The following CLYBL variants were observed in gnomAD, a reference collection of about 807,000 sequenced individuals.
CLYBL encodes the protein citramalyl-CoA lyase, mitochondrial.
In CLYBL, 31 loss-of-function variants were observed where a neutral mutation model predicts 38.9. The ratio of observed to expected loss-of-function variants is 0.80; its 90% CI spans 0.60 to 1.08. The LOEUF (loss-of-function observed/expected upper bound fraction) is 1.08. Among genes scored for constraint, CLYBL ranks in the 50% least tolerant of loss-of-function variants. The pLI is 0.00. For missense variants in CLYBL, 434 were observed against 411.6 expected (o/e 1.05, Z -0.47); for synonymous variants, 171 against 158.6 (o/e 1.08, Z -0.59).
chr13:99,885,932 C>T (rs7996829), intron 7 of CLYBL, among the ~76,000 whole-genome samples: 2,108 of 152,266 alleles, frequency 0.014, 37 homozygotes, highest in African/African-American at 0.048. Flanking sequence ...AAGTGGAAGG[C>T]ACAGCCAGGA....
intron 2 of CLYBL, among the ~76,000 whole-genome samples, chr13:99,856,104 T>C (rs942801393): frequency 6.6e-6 from 1 of 152,228 alleles, no homozygotes; most frequent in African/African-American, 2.4e-5. Flanking sequence ...AGGTACTTCA[T>C]TTGCAGCCAA....
At chr13:99,654,936 C>G (rs893276802) in intron 1 of CLYBL, among the ~76,000 whole-genome samples, 1 of 151,942 alleles carries the variant, frequency 6.6e-6, no homozygotes, top group African/African-American at 2.4e-5. Flanking sequence ...ACCCGGGAGG[C>G]AGAGGTTGCA....
chr13:99,660,694 C>G (rs2047396225), intron 1 of CLYBL, among the ~76,000 whole-genome samples: 1 of 152,190 alleles, frequency 6.6e-6, no homozygotes, highest in Non-Finnish European at 1.5e-5. Context: ...TTGCTCTGTT[C>G]TAAAAGCTAT....
At chr13:99,731,369 C>T (rs2048587329) in intron 1 of CLYBL, among the ~76,000 whole-genome samples, 3 of 150,942 alleles carry the variant, frequency 2.0e-5, no homozygotes, top group Non-Finnish European at 4.4e-5. Flanking sequence ...CCCAGGGGCT[C>T]ATACCTGTAA....
intron 6 of CLYBL, among the ~76,000 whole-genome samples, chr13:99,866,738 C>T (rs1245563644): frequency 6.6e-6 from 1 of 151,622 alleles, no homozygotes; most frequent in African/African-American, 2.4e-5. Context: ...GAGTGAACCG[C>T]CATAAGAATT....
At chr13:99,754,087 C>CAAAAAAAAA (rs71121003) in intron 1 of CLYBL, among the ~76,000 whole-genome samples, 2 of 45,412 alleles carry the variant, frequency 4.4e-5, no homozygotes, top group African/African-American at 1.6e-4. Flanking sequence ...AACTCGGTCT[C>CAAAAAAAAA]AAAAAAAAAA....
chr13:99,683,106 G>A (rs191851914), intron 1 of CLYBL, among the ~76,000 whole-genome samples: 248 of 151,262 alleles, frequency 1.6e-3, no homozygotes, highest in Non-Finnish European at 1.7e-3. Context: ...TTTTGAGATG[G>A]AGTCTTGCTC....
At chr13:99,852,363 C>T (rs2051352981) in intron 2 of CLYBL, among the ~76,000 whole-genome samples, 1 of 152,166 alleles carries the variant, frequency 6.6e-6, no homozygotes, top group African/African-American at 2.4e-5. Flanking sequence ...TGCAGCCTCC[C>T]AAGCAGCTGA....
chr13:99,651,344 C>G (rs1263421428), intron 1 of CLYBL, among the ~76,000 whole-genome samples: 1 of 151,706 alleles, frequency 6.6e-6, no homozygotes, highest in Non-Finnish European at 1.5e-5. Context: ...GAAGCCAAGG[C>G]GAGTGGCCTG....
intron 2 of CLYBL, among the ~76,000 whole-genome samples, chr13:99,790,601 G>T (rs1426374627): frequency 6.6e-6 from 1 of 152,186 alleles, no homozygotes; most frequent in Non-Finnish European, 1.5e-5. Context: ...CCCTTTATGG[G>T]TGACTCTGGC....
At chr13:99,897,945 AAAAG>A (rs113879061), downstream of CLYBL, among the ~76,000 whole-genome samples, 55 of 151,940 alleles carry the variant, frequency 3.6e-4, no homozygotes, top group African/African-American at 9.2e-4. Context: ...CGTCTCAAAA[AAAAG>A]AAAGAAAGAA....
chr13:99,808,973 G>C (rs571285489), intron 2 of CLYBL, among the ~76,000 whole-genome samples: 1 of 152,042 alleles, frequency 6.6e-6, no homozygotes, highest in Non-Finnish European at 1.5e-5. Context: ...CACGTCCTGA[G>C]CATCTAGCAC....
intron 1 of CLYBL, among the ~76,000 whole-genome samples, chr13:99,765,531 A>G (rs1026227130): frequency 2.0e-5 from 3 of 151,796 alleles, no homozygotes; most frequent in African/African-American, 4.8e-5. Context: ...TCAACTCCCT[A>G]TTGAACCTCA....
At chr13:99,662,510 C>CT (rs34634591) in intron 1 of CLYBL, among the ~76,000 whole-genome samples, 4,173 of 122,296 alleles carry the variant, frequency 0.034, 144 homozygotes, top group African/African-American at 0.091. Context: ...ATCTTTAAAA[C>CT]TTTTTTTTTT....
In CLYBL at chr13:99,854,135, CTTAA is replaced by C. The variant is rs1190260959; in HGVS notation, c.250-4722_250-4719del. ...GGAGTCTAGAAAGTCTTTCCTATTT[CTTAA>C]TTACCAAATCTTGGGTCGCACATAG... On this transcript the variant is annotated intron_variant, in intron 2 of 8. Coordinates refer to ENST00000339105, the MANE Select transcript of CLYBL (RefSeq NM_206808.5). 3.9e-5 allele frequency among the ~76,000 whole-genome samples: 6 copies of C among 152,228 alleles called. No individual in the cohort carries two copies. In the East Asian group the frequency reaches 1.2e-3, roughly 29 times the overall value.
chr13:99,634,935 C>T (rs7325085), intron 1 of CLYBL, among the ~76,000 whole-genome samples: 2,216 of 152,258 alleles, frequency 0.015, 59 homozygotes, highest in African/African-American at 0.05. Flanking sequence ...CATCCCCAGA[C>T]GTCCCTGCTC....
chr13:99,899,254 C>T (rs758671584), downstream of CLYBL, among the ~76,000 whole-genome samples: 3 of 152,222 alleles, frequency 2.0e-5, no homozygotes, highest in Non-Finnish European at 2.9e-5. Context: ...TTCCAGGGCC[C>T]CCCACCATTT....
Position 99,849,852 on chromosome 13 carries a change from G to A in CLYBL, c.250-9009G>A, listed in dbSNP as rs1395621931. ...AGGGCCAGGGCAAGGCAGCCAAGGA[G>A]GCAGACAGAAGTAAGCCCCTTCTTT... On this transcript the variant is annotated intron_variant, in intron 2 of 8. Coordinates refer to ENST00000339105, the MANE Select transcript of CLYBL (RefSeq NM_206808.5). This position sits in a 1 kb window ranked among gnomAD's most constrained non-coding sequence, Gnocchi z 4.9. Among the ~76,000 whole-genome samples, 1 of 152,158 alleles carries A rather than the reference G, an allele frequency of 6.6e-6. No individual in the cohort carries two copies. The highest frequency in any genetic ancestry group is 2.4e-5 in the African/African-American group (1 of 41,396).
chr13:99,735,797 T>C (rs1282593817), intron 1 of CLYBL, among the ~76,000 whole-genome samples: 1 of 152,086 alleles, frequency 6.6e-6, no homozygotes, highest in East Asian at 1.9e-4. Context: ...AATCTACCAT[T>C]GAGAATATGT....
Sources: gnomAD v4.1 joint callset for allele counts (sites outside exome capture counted in the v4.1 genomes callset) on GRCh38, gnomAD v4.1.1 for gene constraint, Gnocchi (gnomAD v3.1) non-coding constraint, MANE v1.5 for transcripts, NCBI Gene and HGNC (gene_info 2026-07-23, HGNC 2026-07-21) for gene names.